Variants in PSMA1 observed in about 807,000 individuals in gnomAD.
PSMA1 encodes proteasome subunit alpha type-1.
In PSMA1, 3 loss-of-function variants were observed where a neutral mutation model predicts 38.4. The observed-to-expected ratio is 0.08, with a 90% CI of 0.04 to 0.20. The LOEUF (loss-of-function observed/expected upper bound fraction) is 0.20, where lower values mean the gene tolerates loss of function less well. Ranked by LOEUF, PSMA1 falls within the 10% of genes least tolerant of loss-of-function variation. The pLI is 1.00. For synonymous variants in PSMA1, 101 were observed against 107.1 expected, an observed-to-expected ratio of 0.94 and a Z score of 0.35; for missense variants, 227 against 325.3, an observed-to-expected ratio of 0.70 and a Z score of 2.32.
intron 2 of PSMA1, among the ~76,000 whole-genome samples, chr11:14,528,314 T>G (rs1159757977): frequency 6.6e-6 from 1 of 152,180 alleles, no homozygotes; most frequent in Non-Finnish European, 1.5e-5. Context: ...TTAATACCTA[T>G]TTTTCTCCTT....
chr11:14,608,362 T>C (rs1852667857), intron 2 of PSMA1, among the ~76,000 whole-genome samples: 1 of 151,322 alleles, frequency 6.6e-6, no homozygotes, highest in African/African-American at 2.4e-5. Context: ...TATATATATA[T>C]ATATAAAATG....
intron 2 of PSMA1, among the ~76,000 whole-genome samples, chr11:14,570,401 G>A (rs1852123755): frequency 1.3e-5 from 2 of 152,058 alleles, no homozygotes; most frequent in African/African-American, 4.8e-5. Context: ...CAGACGATCA[G>A]TAATAACAAC....
intron 2 of PSMA1, among the ~76,000 whole-genome samples, chr11:14,583,984 C>T (rs1852310883): frequency 1.3e-5 from 2 of 152,196 alleles, no homozygotes; most frequent in African/African-American, 2.4e-5. Flanking sequence ...TGATTATCCC[C>T]AGCAGAGCCA....
chr11:14,635,305 A>G (rs1377737035), intron 1 of PSMA1, among the ~76,000 whole-genome samples: 1 of 152,196 alleles, frequency 6.6e-6, no homozygotes, highest in African/African-American at 2.4e-5. Context: ...ATACAGCATT[A>G]AAATCTTGAA....
chr11:14,616,771 C>A (rs565084522), intron 1 of PSMA1, among the ~76,000 whole-genome samples: 4 of 152,138 alleles, frequency 2.6e-5, no homozygotes, highest in Admixed American at 2.0e-4. Context: ...GAAATTGAAG[C>A]CCCAGGGAGG....
chr11:14,567,019 A>G (rs1185608427), intron 2 of PSMA1, among the ~76,000 whole-genome samples: 1 of 152,232 alleles, frequency 6.6e-6, no homozygotes, highest in Non-Finnish European at 1.5e-5. Context: ...CATGGAAGTC[A>G]GAACCACATG....
At chr11:14,572,401 C>T (rs535436756) in intron 2 of PSMA1, among the ~76,000 whole-genome samples, 179 of 152,298 alleles carry the variant, frequency 1.2e-3, no homozygotes, top group South Asian at 6.2e-3. Context: ...GAACAACCTG[C>T]TCCTGAACGA....
At chr11:14,508,459 C>T (rs893317587) in intron 8 of PSMA1, among the ~76,000 whole-genome samples, 11 of 150,320 alleles carry the variant, frequency 7.3e-5, no homozygotes, top group Admixed American at 2.0e-4. Flanking sequence ...CCTAAATTTA[C>T]TTGGATTACT....
chr11:14,606,447 A>AT (rs1319402021), intron 2 of PSMA1, among the ~76,000 whole-genome samples: 2 of 152,270 alleles, frequency 1.3e-5, no homozygotes, highest in East Asian at 3.9e-4. Flanking sequence ...AAAAAAAAAA[A>AT]GAATCTGTTT....
chr11:14,529,359 G>C (rs1257970694), intron 2 of PSMA1, among the ~76,000 whole-genome samples: 1 of 152,148 alleles, frequency 6.6e-6, no homozygotes, highest in Non-Finnish European at 1.5e-5. Context: ...ACCTGGTGGA[G>C]TTAATCCTCC....
At chr11:14,545,442 T>C (rs1851815387) in intron 2 of PSMA1, among the ~76,000 whole-genome samples, 1 of 152,236 alleles carries the variant, frequency 6.6e-6, no homozygotes, top group Non-Finnish European at 1.5e-5. Flanking sequence ...TTGCATTAGC[T>C]ATTTATCCTG....
At chr11:14,529,862 T>C (rs1032678919) in intron 2 of PSMA1, among the ~76,000 whole-genome samples, 2 of 152,218 alleles carry the variant, frequency 1.3e-5, no homozygotes, top group Admixed American at 1.3e-4. Context: ...AGCCCTGGTC[T>C]AATCCAAATA....
At chr11:14,624,245 A>C (rs891929956) in intron 1 of PSMA1, among the ~76,000 whole-genome samples, 2 of 152,188 alleles carry the variant, frequency 1.3e-5, no homozygotes, top group African/African-American at 2.4e-5. Flanking sequence ...TTGCAGAGAG[A>C]AGCTCAGGAT....
chr11:14,564,947 A>T (rs931867821), intron 2 of PSMA1, among the ~76,000 whole-genome samples: 68 of 151,798 alleles, frequency 4.5e-4, no homozygotes, highest in African/African-American at 1.6e-3. Context: ...TTGGCTAATT[A>T]AAAAAATTTT....
intron 2 of PSMA1, among the ~76,000 whole-genome samples, chr11:14,604,912 T>TGG (rs2134195542): frequency 6.6e-6 from 1 of 152,334 alleles, no homozygotes; most frequent in African/African-American, 2.4e-5. Context: ...TAGTATTCCA[T>TGG]GGGTTATTAT....
chr11:14,550,602 A>T (rs958142104), intron 2 of PSMA1, among the ~76,000 whole-genome samples: 1 of 152,150 alleles, frequency 6.6e-6, no homozygotes, highest in East Asian at 1.9e-4. Flanking sequence ...AAAACTAGAG[A>T]AGAAAAAAAA....
chr11:14,556,982 C>A (rs1446960827), intron 2 of PSMA1, among the ~76,000 whole-genome samples: 3 of 152,148 alleles, frequency 2.0e-5, no homozygotes, highest in Admixed American at 2.0e-4. Flanking sequence ...ACTACAGGTG[C>A]ATACCCAGCT....
At chr11:14,575,346 G>T (rs1726642372) in intron 2 of PSMA1, among the ~76,000 whole-genome samples, 1 of 151,962 alleles carries the variant, frequency 6.6e-6, no homozygotes, top group African/African-American at 2.4e-5. Context: ...TGCCATGTTG[G>T]TGTGCTGCAT....
intron 7 of PSMA1, among the ~76,000 whole-genome samples, chr11:14,512,331 G>A (rs945631996): frequency 6.6e-6 from 1 of 151,552 alleles, no homozygotes; most frequent in Non-Finnish European, 1.5e-5. Context: ...CCGAGATCGC[G>A]CCATTGCACT....
Sources: allele counts gnomAD v4.1 joint callset (sites outside exome capture counted in the v4.1 genomes callset), GRCh38; gene constraint gnomAD v4.1.1; transcripts MANE v1.5; gene names NCBI Gene and HGNC (gene_info 2026-07-23, HGNC 2026-07-21).